Variants in LRRC59 observed in about 807,000 individuals in gnomAD.
LRRC59 encodes leucine-rich repeat-containing protein 59.
Under a neutral mutation model 33.5 loss-of-function variants are expected in LRRC59, and 18 were observed. The observed-to-expected ratio is 0.54, with a 90% CI of 0.37 to 0.80. The LOEUF (loss-of-function observed/expected upper bound fraction) is 0.80. LRRC59 is among the 30% of genes least tolerant of loss of function. LRRC59 has a pLI of 0.00. For synonymous variants in LRRC59, 138 were observed against 160.0 expected (o/e 0.86, Z 1.04); for missense variants, 330 against 391.9 (o/e 0.84, Z 1.33).
Position 50,382,952 on chromosome 17 carries a change from T to TC in LRRC59, c.*35dup. On this transcript the variant is annotated 3_prime_UTR_variant, in exon 7 of 7. Coordinates refer to ENST00000225972, the MANE Select transcript of LRRC59 (RefSeq NM_018509.4). ...AACCCAATTCCATAGGAATCCAAAC[T>TC]CCAAGGCTGGGAGGCAGCAGGTGCT... The TC allele has an allele frequency of 6.2e-7, 1 of 1,601,280 alleles. No homozygotes were observed. Among genetic ancestry groups the TC allele is most frequent in the Non-Finnish European group, 8.5e-7 (1 of 1,172,624 alleles).
chr17:50,397,349 G>C lies in LRRC59; in HGVS notation c.-32C>G, dbSNP rs1390964438. 1 of 1,548,730 alleles carries C rather than the reference G, an allele frequency of 6.5e-7. No individual in the cohort carries two copies. Among genetic ancestry groups the C allele is most frequent in the Admixed American group, 1.8e-5 (1 of 56,194 alleles). On this transcript the variant is annotated 5_prime_UTR_variant, in exon 1 of 7. Coordinates refer to ENST00000225972, the MANE Select transcript of LRRC59 (RefSeq NM_018509.4). ...GCCGGCTGAGCGGGCCCCGGCTCCGGGGTTCCGGCGGGTGAAAGGAGCTGA... is the reference window on the plus strand; with the variant it reads ...GCCGGCTGAGCGGGCCCCGGCTCCGCGGTTCCGGCGGGTGAAAGGAGCTGA...
At chr17:50,388,471 G>A (rs1914063628) in intron 4 of LRRC59, among the ~76,000 whole-genome samples, 1 of 152,118 alleles carries the variant, frequency 6.6e-6, no homozygotes, top group Non-Finnish European at 1.5e-5. Context: ...AACCCAGAAG[G>A]TCAAGGCTGC....
chr17:50,389,012 G>A (rs1214992958), intron 4 of LRRC59, among the ~76,000 whole-genome samples: 3 of 152,194 alleles, frequency 2.0e-5, no homozygotes, highest in African/African-American at 7.2e-5. Context: ...CATGAGGAAT[G>A]GCTAATTCCC....
intron 6 of LRRC59, among the ~76,000 whole-genome samples, chr17:50,384,115 G>C (rs1342172173): frequency 6.6e-6 from 1 of 151,660 alleles, no homozygotes; most frequent in African/African-American, 2.4e-5. Flanking sequence ...GCAGCATGTG[G>C]AGCCACGTCA....
rs890086584 is a variant in LRRC59, at chr17:50,383,249, A to G, written c.677-14T>C. 6 of 1,549,660 alleles carry G rather than the reference A, an allele frequency of 3.9e-6. No homozygotes were observed. Among genetic ancestry groups the G allele is most frequent in the Non-Finnish European group, 5.2e-6 (6 of 1,145,948 alleles). Reference sequence around the variant, plus strand: ...CAGACTTAGATTCTGGAGGAAAAGTAACAGTAGACAAAGCAAGTTCAGTCA... The same window carrying G: ...CAGACTTAGATTCTGGAGGAAAAGTGACAGTAGACAAAGCAAGTTCAGTCA... On this transcript the variant is annotated splice_polypyrimidine_tract_variant and intron_variant, in intron 6 of 6. Coordinates refer to ENST00000225972, the MANE Select transcript of LRRC59 (RefSeq NM_018509.4).
intron 5 of LRRC59, among the ~76,000 whole-genome samples, chr17:50,386,456 A>G (rs1373745668): frequency 6.6e-6 from 1 of 152,346 alleles, no homozygotes; most frequent in South Asian, 2.1e-4. Flanking sequence ...GCCACAAATG[A>G]TGGTTAAATG....
At chr17:50,397,137 G>A (rs768739947) in intron 1 of LRRC59, 76 bp downstream of exon 1, 10 of 1,087,206 alleles carry the variant, frequency 9.2e-6, no homozygotes, top group Non-Finnish European at 1.3e-5. Context: ...TTTTAGAGAA[G>A]AGGAAAGTAA....
intron 3 of LRRC59, 45 bp downstream of exon 3, chr17:50,392,694 T>A (rs1914175731): frequency 6.2e-7 from 1 of 1,605,106 alleles, no homozygotes; most frequent in Non-Finnish European, 8.5e-7. Flanking sequence ...AGTCCCTGAG[T>A]TCTCTGCCAC....
chr17:50,390,367 C>T (rs1266547564), intron 4 of LRRC59, among the ~76,000 whole-genome samples: 1 of 151,768 alleles, frequency 6.6e-6, no homozygotes, highest in Non-Finnish European at 1.5e-5. Context: ...TGGCATGCCC[C>T]TGTAATCCCA....
Position 50,397,328 on chromosome 17 carries a change from G to T in LRRC59, c.-11C>A. On this transcript the variant is annotated 5_prime_UTR_variant, in exon 1 of 7. Coordinates refer to ENST00000225972, the MANE Select transcript of LRRC59 (RefSeq NM_018509.4). ...ACCGGCCTTGGTCATGGTAACGCCGGCTGAGCGGGCCCCGGCTCCGGGGTT... is the reference window on the plus strand; with the variant it reads ...ACCGGCCTTGGTCATGGTAACGCCGTCTGAGCGGGCCCCGGCTCCGGGGTT... 6.3e-7 allele frequency: 1 copy of T among 1,598,236 alleles called. No individual in the cohort carries two copies. Among genetic ancestry groups the T allele is most frequent in the Non-Finnish European group, 8.5e-7 (1 of 1,172,384 alleles).
At chr17:50,390,491 C>CA (rs796517826) in intron 4 of LRRC59, among the ~76,000 whole-genome samples, 6,220 of 135,808 alleles carry the variant, frequency 0.046, 410 homozygotes, top group African/African-American at 0.15. Context: ...GACCCCATGT[C>CA]AAAAAAAAAA....
At chr17:50,383,359 G>C (rs74695075) in intron 6 of LRRC59, 124 bp from the exon 7 acceptor site, 23,979 of 1,243,738 alleles carry the variant, frequency 0.019, 309 homozygotes, top group Admixed American at 0.026. Flanking sequence ...AACTCCCCAG[G>C]CCCTGAAGAG....
Position 50,385,968 on chromosome 17 carries a change from G to A in LRRC59, c.503-677C>T, listed in dbSNP as rs115196982. Reference sequence around the variant, plus strand: ...GCTACCTGGGAGGCTGAAGTGGGAGGATCTATTGAGCTCAGGAAGTGGAGG... The same window carrying A: ...GCTACCTGGGAGGCTGAAGTGGGAGAATCTATTGAGCTCAGGAAGTGGAGG... On this transcript the variant is annotated intron_variant, in intron 5 of 6. Transcript: ENST00000225972. Among the ~76,000 whole-genome samples the A allele has an allele frequency of 3.1e-3, 465 of 152,200 alleles. 4 individuals are homozygous for A. Among genetic ancestry groups the A allele is most frequent in the African/African-American group, 0.011 (445 of 41,530 alleles).
chr17:50,395,584 C>T (rs187752528), intron 1 of LRRC59, among the ~76,000 whole-genome samples: 176 of 152,246 alleles, frequency 1.2e-3, no homozygotes, highest in African/African-American at 4.2e-3. Context: ...TGAATCATGA[C>T]TGATCGAGTA....
At chr17:50,387,300 A>T (rs557326279) in intron 5 of LRRC59, among the ~76,000 whole-genome samples, 4 of 152,178 alleles carry the variant, frequency 2.6e-5, no homozygotes, top group Non-Finnish European at 5.9e-5. Flanking sequence ...AAAGCCCCTG[A>T]GTGAGACTGC....
intron 1 of LRRC59, among the ~76,000 whole-genome samples, chr17:50,395,353 T>G (rs1350178517): frequency 1.3e-5 from 1 of 79,888 alleles, no homozygotes. Context: ...TGAGACCCCA[T>G]CTCAAAAAAA....
intron 6 of LRRC59, 47 bp downstream of exon 6, chr17:50,385,071 T>A (rs753395554): frequency 6.3e-7 from 1 of 1,590,564 alleles, no homozygotes; most frequent in Non-Finnish European, 8.6e-7. Flanking sequence ...AACATGAGTG[T>A]CTCCACTGTA....
At chr17:50,385,920 G>C (rs551996356) in intron 5 of LRRC59, among the ~76,000 whole-genome samples, 44 of 152,268 alleles carry the variant, frequency 2.9e-4, no homozygotes, top group African/African-American at 1.1e-3. Flanking sequence ...AGCTGGGTGT[G>C]CTGGCGCATG....
rs1348379223 is a variant in LRRC59, at chr17:50,381,261, A to G, written c.*1727T>C. 7.2e-6 allele frequency: 2 copies of G among 276,700 alleles called. No individual in the cohort carries two copies. The highest frequency in any genetic ancestry group is 1.4e-4 in the East Asian group (2 of 14,000). 17.1% of individuals were successfully genotyped at this position (276,700 alleles called of 1,614,324 possible). ...AGTCCACTCAGACACTTATTTAATA[A>G]CTGTAGAAATCCAAAAGAATTAGCA... is the stretch of plus-strand genomic sequence containing the variant. On this transcript the variant is annotated 3_prime_UTR_variant, in exon 7 of 7. Transcript: ENST00000225972.
Sources: allele counts gnomAD v4.1 joint callset (sites outside exome capture counted in the v4.1 genomes callset), GRCh38; gene constraint gnomAD v4.1.1; transcripts MANE v1.5; gene names NCBI Gene and HGNC (gene_info 2026-07-23, HGNC 2026-07-21).